CTIF: variants seen among roughly 807,000 people sequenced by gnomAD.
The protein encoded by CTIF is cap binding complex dependent translation initiation factor, also known as CBP80/20-dependent translation initiation factor.
In CTIF, 21 loss-of-function variants were observed where a neutral mutation model predicts 66.0. The observed-to-expected ratio is 0.32, with a 90% confidence interval of 0.23 to 0.46. The LOEUF is 0.46. CTIF is among the 20% of genes least tolerant of loss of function. The pLI is 1.00. For missense variants in CTIF, 739 were observed against 812.7 expected (o/e 0.91, Z 1.10); for synonymous variants, 345 against 326.4 (o/e 1.06, Z -0.62).
intron 1 of CTIF, among the ~76,000 whole-genome samples, chr18:48,592,753 G>A (rs998659547): frequency 4.6e-5 from 7 of 152,220 alleles, no homozygotes; most frequent in Non-Finnish European, 7.3e-5. Context: ...TGAGGATAGC[G>A]ATTAGCAGGG....
intron 5 of CTIF, among the ~76,000 whole-genome samples, chr18:48,665,642 T>C (rs1483549289): frequency 6.6e-6 from 1 of 152,168 alleles, no homozygotes; most frequent in African/African-American, 2.4e-5. Context: ...CCCCATCCCA[T>C]CACCACCCCC....
At chr18:48,553,989 G>C (rs1045804553) in intron 1 of CTIF, among the ~76,000 whole-genome samples, 1 of 152,134 alleles carries the variant, frequency 6.6e-6, no homozygotes, top group African/African-American at 2.4e-5. Flanking sequence ...TGACCTCAGA[G>C]CTCCAGACTC....
chr18:48,744,007 G>A (rs188026774), intron 7 of CTIF, among the ~76,000 whole-genome samples: 5 of 152,266 alleles, frequency 3.3e-5, no homozygotes, highest in Non-Finnish European at 7.4e-5. Flanking sequence ...GAGGAGGGGC[G>A]TACTTTGAGA....
intron 7 of CTIF, among the ~76,000 whole-genome samples, chr18:48,745,964 G>A (rs1444438399): frequency 1.3e-5 from 2 of 152,236 alleles, no homozygotes; most frequent in Non-Finnish European, 2.9e-5. Context: ...CTCCTTCCCA[G>A]GATGGAAAAA....
At position 48,621,311 on chromosome 18, in the gene CTIF, T is replaced by C. The variant is rs146847633; in HGVS notation, c.180+1566T>C. Reference sequence around the variant, plus strand: ...GGGAGGGAGGGGTGGGTAGTGGAGATATCCGGATAGGAACATCTGGGCAGA... The same window carrying C: ...GGGAGGGAGGGGTGGGTAGTGGAGACATCCGGATAGGAACATCTGGGCAGA... On this transcript the variant is annotated intron_variant, in intron 2 of 11. Coordinates refer to ENST00000256413, the MANE Select transcript of CTIF (RefSeq NM_014772.3). 373 of 159,022 alleles carry C rather than the reference T, an allele frequency of 2.3e-3. 4 individuals carry two copies. The highest frequency in any genetic ancestry group is 8.5e-3 in the African/African-American group (350 of 41,386). The allele number at this position is 159,022 out of a possible 1,614,324, so 9.9% of individuals were successfully genotyped here. A position where few individuals can be genotyped will look rare whatever the true frequency, so the allele number is the denominator to read the frequency against.
chr18:48,843,263 C>G (rs753846398), intron 10 of CTIF, among the ~76,000 whole-genome samples: 3 of 152,070 alleles, frequency 2.0e-5, no homozygotes, highest in Non-Finnish European at 4.4e-5. Context: ...CTGCCCAGTG[C>G]GGGGCTGGGC....
chr18:48,838,087 C>G (rs888563659), intron 10 of CTIF, among the ~76,000 whole-genome samples: 1 of 151,670 alleles, frequency 6.6e-6, no homozygotes, highest in East Asian at 1.9e-4. Context: ...TTTCTACTTT[C>G]CCCCAAACTT....
At chr18:48,736,288 TG>T (rs1484424311) in intron 7 of CTIF, among the ~76,000 whole-genome samples, 2 of 152,192 alleles carry the variant, frequency 1.3e-5, no homozygotes, top group African/African-American at 4.8e-5. Flanking sequence ...AGTGAATGCC[TG>T]TGCCTCTCCA....
intron 11 of CTIF, among the ~76,000 whole-genome samples, chr18:48,858,853 G>A (rs1349021233): frequency 6.6e-5 from 10 of 152,180 alleles, no homozygotes; most frequent in Non-Finnish European, 1.5e-4. Flanking sequence ...AAAGGAGAGC[G>A]AGAGAAACAG....
chr18:48,698,354 G>A (rs187607371), intron 6 of CTIF, among the ~76,000 whole-genome samples: 5 of 151,986 alleles, frequency 3.3e-5, no homozygotes, highest in East Asian at 3.9e-4. Context: ...CATGGGACTC[G>A]CTTCCATCCT....
chr18:48,669,093 G>A (rs2091481308), intron 5 of CTIF, among the ~76,000 whole-genome samples: 1 of 152,122 alleles, frequency 6.6e-6, no homozygotes, highest in South Asian at 2.1e-4. Flanking sequence ...CACCGATCTC[G>A]TGCTGCCCCC....
intron 3 of CTIF, among the ~76,000 whole-genome samples, chr18:48,660,630 G>A (rs2091326127): frequency 6.6e-6 from 1 of 152,220 alleles, no homozygotes; most frequent in African/African-American, 2.4e-5. Flanking sequence ...CCCAAGGGTA[G>A]TGCCCCCTCC....
At chr18:48,712,044 G>C (rs531729649) in intron 7 of CTIF, among the ~76,000 whole-genome samples, 1 of 152,284 alleles carries the variant, frequency 6.6e-6, no homozygotes, top group African/African-American at 2.4e-5. Context: ...TCAGAAAATA[G>C]GACTGGCTGG....
intron 1 of CTIF, among the ~76,000 whole-genome samples, chr18:48,541,985 C>G (rs566199054): frequency 5.7e-4 from 87 of 152,224 alleles, no homozygotes; most frequent in African/African-American, 2.0e-3. Context: ...CACATTCCCC[C>G]TTTTCTCAGC....
At chr18:48,608,507 C>G (rs1357259063) in intron 1 of CTIF, among the ~76,000 whole-genome samples, 3 of 152,140 alleles carry the variant, frequency 2.0e-5, no homozygotes, top group Non-Finnish European at 4.4e-5. Context: ...CAGGCAGAAG[C>G]CCAAGGGCCC....
intron 6 of CTIF, among the ~76,000 whole-genome samples, chr18:48,686,756 T>C (rs2091848006): frequency 6.6e-6 from 1 of 152,184 alleles, no homozygotes; most frequent in Admixed American, 6.5e-5. Flanking sequence ...GAGCCTTGCC[T>C]CTCCTGGTAC....
At chr18:48,547,887 G>A (rs180805135) in intron 1 of CTIF, among the ~76,000 whole-genome samples, 1 of 152,330 alleles carries the variant, frequency 6.6e-6, no homozygotes, top group East Asian at 1.9e-4. Context: ...ATGATCATGA[G>A]AGAGGCAGCA....
At chr18:48,717,291 G>A (rs756473893) in intron 7 of CTIF, among the ~76,000 whole-genome samples, 2 of 151,864 alleles carry the variant, frequency 1.3e-5, no homozygotes, top group Non-Finnish European at 2.9e-5. Context: ...CCAGTTACTC[G>A]GGAGGCTGAG....
intron 6 of CTIF, among the ~76,000 whole-genome samples, chr18:48,679,410 G>C (rs917301974): frequency 6.6e-6 from 1 of 152,208 alleles, no homozygotes; most frequent in Non-Finnish European, 1.5e-5. Flanking sequence ...AGCAGGCAGA[G>C]AACTGGCAAG....
Sources: gnomAD v4.1 joint callset for allele counts (sites outside exome capture counted in the v4.1 genomes callset) on GRCh38, gnomAD v4.1.1 for gene constraint, MANE v1.5 for transcripts, NCBI Gene and HGNC (gene_info 2026-07-23, HGNC 2026-07-21) for gene names.